Variants in SCRIB observed in about 807,000 individuals in gnomAD.
SCRIB encodes the protein scribble planar cell polarity protein.
In SCRIB, 72 loss-of-function variants were observed where a neutral mutation model predicts 170.0. That is an observed-to-expected ratio of 0.42 (90% CI 0.35 to 0.52). The LOEUF (loss-of-function observed/expected upper bound fraction) is 0.52. SCRIB is among the 20% of genes least tolerant of loss of function. The pLI is 0.02. For missense variants in SCRIB, 2,475 were observed against 2,338.5 expected (o/e 1.06, Z -1.20); for synonymous variants, 1,298 against 1,044.3 (o/e 1.24, Z -4.68).
rs1554633780 is a variant in SCRIB, at chr8:143,795,024, C to T, written c.3846+14G>A. On this transcript the variant is annotated intron_variant, in intron 27 of 36. Transcript: ENST00000356994. The stretch of plus-strand genomic sequence containing the variant: ...CAGGACGGAGGTGGGGGGCACTGCA[C>T]ACTGGGCACTCACCCTCTGCACGCT... The T allele has an allele frequency of 6.2e-7, 1 of 1,607,550 alleles. No homozygotes were observed. Among genetic ancestry groups the T allele is most frequent in the Non-Finnish European group, 8.5e-7 (1 of 1,177,070 alleles).
chr8:143,810,869 G>A (rs765875792), intron 11 of SCRIB, 37 bp downstream of exon 11: 1 of 1,608,230 alleles, frequency 6.2e-7, no homozygotes, highest in Admixed American at 1.7e-5. Context: ...CTGCCTGAGA[G>A]CCACCCCGCG....
rs544382343 is a variant in SCRIB, at chr8:143,805,561, G to C, written c.2347-126C>G. 3.9e-4 allele frequency: 386 copies of C among 989,242 alleles called. No homozygotes were observed. In the African/African-American group the frequency reaches 6.1e-3, roughly 16 times the overall value. The allele number at this position is 989,242 out of a possible 1,614,324, so 61.3% of individuals were successfully genotyped here. A position where few individuals can be genotyped will look rare whatever the true frequency, so the allele number is the denominator to read the frequency against. On this transcript the variant is annotated intron_variant, in intron 18 of 36. Coordinates refer to ENST00000356994, the MANE Select transcript of SCRIB (RefSeq NM_182706.5). Reference sequence around the variant, plus strand: ...GCACAGGGCGAGGGGAAAGGCCCCAGGCGCTGACATCACCCGAGACCTTTA... The same window carrying C: ...GCACAGGGCGAGGGGAAAGGCCCCACGCGCTGACATCACCCGAGACCTTTA...
Position 143,795,176 on chromosome 8 carries a change from G to A in SCRIB, c.3772-64C>T, listed in dbSNP as rs372802113. 7 of 1,597,566 alleles carry A rather than the reference G, an allele frequency of 4.4e-6. No homozygotes were observed. The South Asian group carries it at 5.5e-5, about 13-fold the overall frequency. On this transcript the variant is annotated intron_variant, in intron 26 of 36. Coordinates refer to ENST00000356994, the MANE Select transcript of SCRIB (RefSeq NM_182706.5). ...CCGTGGCAGCACCCGGCCAGCACAG[G>A]GCAGGAGAGGGGGTCCTGGGGGTTA... is the stretch of plus-strand genomic sequence containing the variant.
chr8:143,804,901 G>T (rs1554636030), intron 20 of SCRIB, 33 bp downstream of exon 20: 4 of 1,526,084 alleles, frequency 2.6e-6, no homozygotes, highest in Admixed American at 2.0e-5. Flanking sequence ...CAGGGGGGAT[G>T]GGTGGGTGGG....
chr8:143,811,179 G>C lies in SCRIB; in HGVS notation c.1073C>G (p.Thr358Arg). The C allele has an allele frequency of 6.2e-7, 1 of 1,610,470 alleles. No individual in the cohort carries two copies. Among genetic ancestry groups the C allele is most frequent in the African/African-American group, 1.3e-5 (1 of 75,008 alleles). The change falls in exon 10 of 37, where the codon ACA becomes AGA. Residue 358 changes from threonine (T) to arginine (R), a missense_variant. Coordinates refer to ENST00000356994, the MANE Select transcript of SCRIB (RefSeq NM_182706.5). ...AVLPPELAHT[T>R]ELHVLDVAGN... ...CGCCACGTCCAGCACGTGCAGCTCT[G>C]TCGTGTGGGCCAGCTCTGGTGGCAG...
At chr8:143,811,753 C>T (rs995456747) in intron 9 of SCRIB, among the ~76,000 whole-genome samples, 1 of 152,110 alleles carries the variant, frequency 6.6e-6, no homozygotes, top group South Asian at 2.1e-4. Context: ...GGGCCCTGAA[C>T]CCCAGAGTCC....
At chr8:143,795,010 TG>T in intron 27 of SCRIB, 27 bp downstream of exon 27, 3 of 1,597,674 alleles carry the variant, frequency 1.9e-6, no homozygotes, top group Non-Finnish European at 2.6e-6. Context: ...AGGACGGAGG[TG>T]GGGGGCACTG....
At chr8:143,793,334 G>A in intron 28 of SCRIB, 2 of 368,532 alleles carry the variant, frequency 5.4e-6, no homozygotes, top group Non-Finnish European at 9.8e-6. Context: ...ATCACCCCTG[G>A]TTTTGTCTAA....
Position 143,805,019 on chromosome 8 carries a change from A to G in SCRIB, c.2671-5T>C, listed in dbSNP as rs751024245. 68 of 1,586,462 alleles carry G rather than the reference A, an allele frequency of 4.3e-5. No individual in the cohort carries two copies. The highest frequency in any genetic ancestry group is 5.6e-5 in the Non-Finnish European group (65 of 1,169,580). On this transcript the variant is annotated splice_polypyrimidine_tract_variant and splice_region_variant and intron_variant, in intron 19 of 36. Coordinates refer to ENST00000356994, the MANE Select transcript of SCRIB (RefSeq NM_182706.5). ...AATGCGGGAGACGAAGATGCCCTGC[A>G]GGGGAGGGTGGAGGAGGCAGGGCTG...
chr8:143,799,426 G>A (rs984289937), intron 24 of SCRIB, among the ~76,000 whole-genome samples: 10 of 152,230 alleles, frequency 6.6e-5, no homozygotes, highest in Admixed American at 2.6e-4. Flanking sequence ...CCTGGTCAGC[G>A]TGACCAGGAG....
intron 24 of SCRIB, among the ~76,000 whole-genome samples, chr8:143,799,975 G>A (rs1815106899): frequency 6.6e-6 from 1 of 152,054 alleles, no homozygotes; most frequent in Non-Finnish European, 1.5e-5. Flanking sequence ...GACAGACACA[G>A]ATGAGTCCAG....
At chr8:143,797,587 T>A (rs567125324) in intron 24 of SCRIB, among the ~76,000 whole-genome samples, 1 of 152,320 alleles carries the variant, frequency 6.6e-6, no homozygotes, top group South Asian at 2.1e-4. Flanking sequence ...GACCCCACGG[T>A]TCAGAGCATC....
rs1554636096 is a variant in SCRIB at position 143,805,033 on chromosome 8, G to A, written c.2671-19C>T. ...AGATGCCCTGCAGGGGAGGGTGGAG[G>A]AGGCAGGGCTGCCGGTGAGGCTGGA... On this transcript the variant is annotated intron_variant, in intron 19 of 36. Transcript: ENST00000356994. 4 of 1,585,038 alleles carry A rather than the reference G, an allele frequency of 2.5e-6. No individual in the cohort carries two copies. Among genetic ancestry groups the A allele is most frequent in the Admixed American group, 1.8e-5 (1 of 56,690 alleles).
chr8:143,795,525 G>C lies in SCRIB; in HGVS notation c.3609C>G (p.Ser1203=), dbSNP rs1187011877. ...CAAAGGGGTTGGCAATGACACCTGG[G>C]GACACCTGAGAAGAGGGGTGTGGGC... ...EASTDAALEV[S]PGVIANPFAA... The change falls in exon 25 of 37, where the codon TCC becomes TCG. Residue 1203 remains serine, a synonymous_variant. Coordinates refer to ENST00000356994, the MANE Select transcript of SCRIB (RefSeq NM_182706.5). The C allele has an allele frequency of 6.2e-7, 1 of 1,611,038 alleles. No individual in the cohort carries two copies.
chr8:143,813,242 C>G, intron 6 of SCRIB, 69 bp downstream of exon 6: 2 of 1,601,998 alleles, frequency 1.2e-6, no homozygotes, highest in Non-Finnish European at 1.7e-6. Context: ...GATCTGCTCG[C>G]TGTCCCCTTC....
Position 143,794,982 on chromosome 8 carries a change from G to A in SCRIB, c.3846+56C>T. 8 of 1,536,866 alleles carry A rather than the reference G, an allele frequency of 5.2e-6. No individual in the cohort carries two copies. The South Asian group carries it at 6.8e-5, about 13-fold the overall frequency. On this transcript the variant is annotated intron_variant, in intron 27 of 36. Transcript: ENST00000356994. ...TGGCCCTGGCGTTTGTCCTGGGGTG[G>A]CCGATGAACAGGACAACAGGACGGA...
In SCRIB at chr8:143,811,255, C is replaced by T. The variant is rs536542723; in HGVS notation, c.997G>A (p.Gly333Ser). The change falls in exon 10 of 37, where the codon GGC (glycine) becomes AGC (serine). Residue 333 changes from glycine (G) to serine (S), a missense_variant. This residue lies in a region of SCRIB where 487 missense variants were observed against 558.1 expected (regional missense o/e 0.87). Coordinates refer to ENST00000356994, the MANE Select transcript of SCRIB (RefSeq NM_182706.5). ...GAGAGGACGCTGAGTGCCACACAGC[C>T]CCCGATCTCGGGCGGCAGCGCCTCG... ...HLEALPPEIGGCVALSVLSLR... is the reference protein window; with the variant it reads ...HLEALPPEIGSCVALSVLSLR... 81 of 1,611,748 alleles carry T rather than the reference C, an allele frequency of 5.0e-5. No individual in the cohort carries two copies. The African/African-American group carries it at 7.6e-4, about 15-fold the overall frequency.
intron 6 of SCRIB, 49 bp downstream of exon 6, chr8:143,813,262 G>A (rs1251231531): frequency 1.2e-6 from 2 of 1,609,538 alleles, no homozygotes; most frequent in Non-Finnish European, 1.7e-6. Flanking sequence ...CTTTGCCCTT[G>A]CTTCCGTGGC....
chr8:143,808,219 G>A (rs1304252386), intron 15 of SCRIB, among the ~76,000 whole-genome samples: 1 of 152,252 alleles, frequency 6.6e-6, no homozygotes, highest in Non-Finnish European at 1.5e-5. Flanking sequence ...GGGCAGCCAT[G>A]CTTGACTTCT....
Sources: allele counts gnomAD v4.1 joint callset (sites outside exome capture counted in the v4.1 genomes callset), GRCh38; gene constraint gnomAD v4.1.1; regional missense constraint gnomAD v4.1.1; transcripts MANE v1.5; gene names NCBI Gene and HGNC (gene_info 2026-07-23, HGNC 2026-07-21).